UNC5D: variants seen among roughly 807,000 people sequenced by gnomAD.
UNC5D encodes netrin receptor UNC5D.
Under a neutral mutation model 105.4 loss-of-function variants are expected in UNC5D, and 39 were observed. The observed-to-expected ratio is 0.37, with a 90% CI of 0.29 to 0.48. The LOEUF is 0.48. UNC5D is among the 20% of genes least tolerant of loss of function. The probability of loss-of-function intolerance (pLI) is 0.98; values close to 1 mark genes in which losing one functional copy is unlikely to be tolerated. For missense variants in UNC5D, 991 were observed against 1,202.4 expected, an observed-to-expected ratio of 0.82 and a Z score of 2.60; for synonymous variants, 452 against 450.4, an observed-to-expected ratio of 1.00 and a Z score of -0.04.
Position 35,388,139 on chromosome 8 carries a change from C to T in UNC5D, c.103+152252C>T, listed in dbSNP as rs149270270. On this transcript the variant is annotated intron_variant, in intron 1 of 16. Coordinates refer to ENST00000404895, the MANE Select transcript of UNC5D (RefSeq NM_080872.4). Reference sequence around the variant, plus strand: ...CTGTAATCCCAGCACTTTGGGAGGCCGAGGTGGGTGGATCACTTGAGGTCA... The same window carrying T: ...CTGTAATCCCAGCACTTTGGGAGGCTGAGGTGGGTGGATCACTTGAGGTCA... Among the ~76,000 whole-genome samples the T allele has an allele frequency of 2.0e-4, 31 of 151,582 alleles. No homozygotes were observed. The East Asian group carries it at 4.9e-3, about 24-fold the overall frequency.
At chr8:35,728,955 C>T (rs896489230) in intron 10 of UNC5D, among the ~76,000 whole-genome samples, 2 of 152,200 alleles carry the variant, frequency 1.3e-5, no homozygotes, top group Admixed American at 1.3e-4. Context: ...CCCACAGTAT[C>T]TCTCATTCTT....
At chr8:35,396,392 C>T (rs1029363365) in intron 1 of UNC5D, among the ~76,000 whole-genome samples, 1 of 152,182 alleles carries the variant, frequency 6.6e-6, no homozygotes, top group Non-Finnish European at 1.5e-5. Context: ...AGAGTCACAC[C>T]GGGCGCACCT....
chr8:35,739,338 G>C (rs1165571849), intron 11 of UNC5D, among the ~76,000 whole-genome samples: 1 of 152,068 alleles, frequency 6.6e-6, no homozygotes, highest in African/African-American at 2.4e-5. Flanking sequence ...ATAGAAAAGG[G>C]GGAGAGGAAC....
At chr8:35,385,686 C>T (rs1361170341) in intron 1 of UNC5D, among the ~76,000 whole-genome samples, 3 of 151,966 alleles carry the variant, frequency 2.0e-5, no homozygotes, top group Non-Finnish European at 4.4e-5. Flanking sequence ...AGGATGGTCT[C>T]GATCTCCTGA....
intron 1 of UNC5D, among the ~76,000 whole-genome samples, chr8:35,514,987 A>G (rs1164262079): frequency 1.3e-5 from 2 of 152,128 alleles, no homozygotes; most frequent in East Asian, 3.9e-4. Flanking sequence ...GTCTAATGAA[A>G]CTACTACCTG....
intron 1 of UNC5D, among the ~76,000 whole-genome samples, chr8:35,456,727 G>C (rs1044121902): frequency 6.6e-6 from 1 of 152,192 alleles, no homozygotes; most frequent in Non-Finnish European, 1.5e-5. Flanking sequence ...CAGCATATTT[G>C]TTAGAAGTCA....
chr8:35,358,526 AT>A (rs1352619403), intron 1 of UNC5D, among the ~76,000 whole-genome samples: 1 of 152,180 alleles, frequency 6.6e-6, no homozygotes, highest in East Asian at 1.9e-4. Context: ...AGGAAAAAAT[AT>A]CTAATGTGTG....
intron 1 of UNC5D, among the ~76,000 whole-genome samples, chr8:35,404,875 C>G (rs925632269): frequency 2.0e-4 from 31 of 152,094 alleles, no homozygotes; most frequent in Non-Finnish European, 2.1e-4. Context: ...CAGGAGTGAG[C>G]CACCGCGCCT....
At chr8:35,646,631 A>G (rs1163358653) in intron 4 of UNC5D, among the ~76,000 whole-genome samples, 1 of 152,044 alleles carries the variant, frequency 6.6e-6, no homozygotes, top group Non-Finnish European at 1.5e-5. Context: ...ACCTCTCCCT[A>G]TGCTCCAGAC....
At chr8:35,599,400 T>G (rs1227154709) in intron 4 of UNC5D, among the ~76,000 whole-genome samples, 1 of 152,178 alleles carries the variant, frequency 6.6e-6, no homozygotes, top group Non-Finnish European at 1.5e-5. Context: ...AAGTTTGTGA[T>G]GTAATACATA....
At chr8:35,655,173 C>T (rs1337482420) in intron 4 of UNC5D, among the ~76,000 whole-genome samples, 1 of 152,146 alleles carries the variant, frequency 6.6e-6, no homozygotes, top group African/African-American at 2.4e-5. Context: ...TTATAAATTG[C>T]TTTACATGCA....
chr8:35,428,270 C>A (rs1806377629), intron 1 of UNC5D, among the ~76,000 whole-genome samples: 1 of 151,230 alleles, frequency 6.6e-6, no homozygotes, highest in South Asian at 2.1e-4. Context: ...CCCTCCACCT[C>A]CAAGGGCTTA....
At chr8:35,319,855 T>C (rs1474362224) in intron 1 of UNC5D, among the ~76,000 whole-genome samples, 2 of 151,988 alleles carry the variant, frequency 1.3e-5, no homozygotes, top group Non-Finnish European at 2.9e-5. Context: ...CTTTAAATTA[T>C]TATCAGGCCC....
chr8:35,683,745 G>A lies in UNC5D; in HGVS notation c.751+18G>A. ...GGTCTACGGTAAGACCATTCCAAAG[G>A]CCAGGAATGGATAGGGAGGGCAGAA... On this transcript the variant is annotated intron_variant, in intron 5 of 16. Transcript: ENST00000404895. 6.8e-7 allele frequency: 1 copy of A among 1,473,350 alleles called. No individual in the cohort carries two copies. Among genetic ancestry groups the A allele is most frequent in the Non-Finnish European group, 9.0e-7 (1 of 1,116,980 alleles). 91.3% of individuals were successfully genotyped at this position (1,473,350 alleles called of 1,614,324 possible). A position where few individuals can be genotyped will look rare whatever the true frequency, so the allele number is the denominator to read the frequency against.
At chr8:35,412,923 T>G (rs1193792492) in intron 1 of UNC5D, among the ~76,000 whole-genome samples, 1 of 152,102 alleles carries the variant, frequency 6.6e-6, no homozygotes, top group Non-Finnish European at 1.5e-5. Flanking sequence ...AAGTCAGGTA[T>G]GCATGTAGGT....
rs544924953 is a variant in UNC5D at position 35,784,592 on chromosome 8, A to G, written c.2658-5767A>G. Among the ~76,000 whole-genome samples, 3 of 152,202 alleles carry G rather than the reference A, an allele frequency of 2.0e-5. No homozygotes were observed. In the South Asian group the frequency reaches 6.2e-4, roughly 32 times the overall value. The stretch of plus-strand genomic sequence containing the variant: ...GCGAAATCCTGTATCTACTAAAAGT[A>G]CAAAAATTAGCTGGGCATGGTGGCA... On this transcript the variant is annotated intron_variant, in intron 16 of 16. Transcript: ENST00000404895.
At chr8:35,721,383 G>A (rs542621051) in intron 8 of UNC5D, 16 of 702,264 alleles carry the variant, frequency 2.3e-5, no homozygotes, top group African/African-American at 8.7e-5. Context: ...CACATCTTGC[G>A]GGGTGGGGAG....
chr8:35,555,316 G>A (rs1351182635), intron 2 of UNC5D, among the ~76,000 whole-genome samples: 4 of 152,170 alleles, frequency 2.6e-5, no homozygotes, highest in Non-Finnish European at 5.9e-5. Context: ...AACTGGTAGA[G>A]TATGAAGGCC....
chr8:35,680,609 G>T (rs1270151582), intron 4 of UNC5D, among the ~76,000 whole-genome samples: 1 of 152,102 alleles, frequency 6.6e-6, no homozygotes, highest in African/African-American at 2.4e-5. Flanking sequence ...TTTTGCGCAT[G>T]ATTTTATTTT....
Sources: allele counts gnomAD v4.1 joint callset (sites outside exome capture counted in the v4.1 genomes callset), GRCh38; gene constraint gnomAD v4.1.1; transcripts MANE v1.5; gene names NCBI Gene and HGNC (gene_info 2026-07-23, HGNC 2026-07-21).